Variants in PRKCQ observed in about 807,000 individuals in gnomAD.
PRKCQ encodes the protein protein kinase C theta type.
In PRKCQ, 41 loss-of-function variants were observed where a neutral mutation model predicts 91.2. The observed-to-expected ratio is 0.45, with a 90% CI of 0.35 to 0.58. PRKCQ has a LOEUF of 0.58. PRKCQ is among the 20% of genes least tolerant of loss of function. PRKCQ has a pLI of 0.00. For missense variants in PRKCQ, 673 were observed against 896.5 expected, an observed-to-expected ratio of 0.75 and a Z score of 3.18; for synonymous variants, 307 against 316.9, an observed-to-expected ratio of 0.97 and a Z score of 0.33.
chr10:6,402,237 T>C, the PRKCQ span, among the ~76,000 whole-genome samples: 1 of 151,808 alleles, frequency 6.6e-6, no homozygotes, highest in Admixed American at 6.6e-5. Context: ...TTAGGAGAAA[T>C]ACCTAATGTT....
At chr10:6,398,656 GGA>G in the PRKCQ span, among the ~76,000 whole-genome samples, 1 of 152,032 alleles carries the variant, frequency 6.6e-6, no homozygotes, top group Non-Finnish European at 1.5e-5. Context: ...CTAGATGCTG[GGA>G]GAGAGAGAGA....
intron 13 of PRKCQ, 134 bp downstream of exon 13, chr10:6,464,179 G>C: frequency 1.3e-6 from 1 of 769,298 alleles, no homozygotes; most frequent in Non-Finnish European, 2.2e-6. Flanking sequence ...GAAAACTGTC[G>C]CCTTGCTCGA....
At chr10:6,463,525 GC>G (rs1326265391) in intron 13 of PRKCQ, among the ~76,000 whole-genome samples, 1 of 152,172 alleles carries the variant, frequency 6.6e-6, no homozygotes, top group Non-Finnish European at 1.5e-5. Context: ...TCAGCAGAGT[GC>G]TACCCACTAG....
chr10:6,496,049 C>T (rs928640602), intron 7 of PRKCQ, among the ~76,000 whole-genome samples: 1 of 151,828 alleles, frequency 6.6e-6, no homozygotes, highest in Admixed American at 6.6e-5. Context: ...AACCGCATCT[C>T]TACTAAAAAT....
the PRKCQ span, among the ~76,000 whole-genome samples, chr10:6,416,034 A>G: frequency 6.6e-6 from 1 of 152,110 alleles, no homozygotes; most frequent in Non-Finnish European, 1.5e-5. Context: ...GGCATGAGCC[A>G]CCATGCCTGG....
chr10:6,553,522 C>G (rs199843708), intron 1 of PRKCQ, among the ~76,000 whole-genome samples: 77 of 58,176 alleles, frequency 1.3e-3, no homozygotes, highest in African/African-American at 4.2e-3. Context: ...AAAAAACAAA[C>G]AAACAAAAGA....
intron 1 of PRKCQ, among the ~76,000 whole-genome samples, chr10:6,556,120 C>T (rs368919553): frequency 1.3e-5 from 2 of 152,072 alleles, no homozygotes; most frequent in Admixed American, 6.6e-5. Flanking sequence ...TTTCTTATCC[C>T]ATGATTAATG....
intron 1 of PRKCQ, among the ~76,000 whole-genome samples, chr10:6,568,500 C>CTT (rs201701542): frequency 1.7e-4 from 24 of 139,088 alleles, no homozygotes; most frequent in African/African-American, 5.4e-4. Flanking sequence ...TTAGCTTAAC[C>CTT]TTTTTTTTTT....
intron 1 of PRKCQ, among the ~76,000 whole-genome samples, chr10:6,571,700 C>T (rs1377616869): frequency 3.9e-5 from 6 of 152,052 alleles, no homozygotes; most frequent in Admixed American, 6.6e-5. Flanking sequence ...TAGCTACTCT[C>T]GAGGCTGACA....
the PRKCQ span, among the ~76,000 whole-genome samples, chr10:6,406,415 T>G: frequency 1.3e-5 from 2 of 151,838 alleles, no homozygotes; most frequent in African/African-American, 4.8e-5. Context: ...GGCTGTAAAA[T>G]AATGTTTGCT....
chr10:6,433,080 C>T (rs1240615757), intron 16 of PRKCQ, among the ~76,000 whole-genome samples: 4 of 152,330 alleles, frequency 2.6e-5, no homozygotes, highest in Admixed American at 1.3e-4. Context: ...ATGATTCTTA[C>T]GACTGATACA....
chr10:6,420,594 T>C, the PRKCQ span, among the ~76,000 whole-genome samples: 6 of 152,370 alleles, frequency 3.9e-5, no homozygotes, highest in East Asian at 9.6e-4. Context: ...GATAATTTTT[T>C]TGAGAAATTG....
intron 10 of PRKCQ, among the ~76,000 whole-genome samples, chr10:6,484,701 A>G (rs1277442906): frequency 6.6e-6 from 1 of 152,198 alleles, no homozygotes; most frequent in Non-Finnish European, 1.5e-5. Flanking sequence ...GGTCATATCC[A>G]CTCATGAACT....
chr10:6,575,468 C>A lies in PRKCQ; in HGVS notation c.-10+4743G>T, dbSNP rs140049720. Among the ~76,000 whole-genome samples the A allele has an allele frequency of 2.3e-3, 353 of 152,338 alleles. 2 individuals are homozygous for A. The highest frequency in any genetic ancestry group is 8.2e-3 in the African/African-American group (340 of 41,582). On this transcript the variant is annotated intron_variant, in intron 1 of 17. Coordinates refer to ENST00000263125, the MANE Select transcript of PRKCQ (RefSeq NM_006257.5). The stretch of plus-strand genomic sequence containing the variant: ...CTCATTTCTGAATCATAAGGTTCCT[C>A]ATGGAGGTGGAGATAACCCTACCTA...
intron 8 of PRKCQ, among the ~76,000 whole-genome samples, chr10:6,488,980 A>T (rs1294826582): frequency 6.6e-6 from 1 of 151,492 alleles, no homozygotes; most frequent in Non-Finnish European, 1.5e-5. Context: ...TGGGGGTCTC[A>T]CTTTGTTGCC....
chr10:6,579,031 C>T (rs1223992289), intron 1 of PRKCQ, among the ~76,000 whole-genome samples: 1 of 152,204 alleles, frequency 6.6e-6, no homozygotes, highest in Non-Finnish European at 1.5e-5. Context: ...GTGGACCCTC[C>T]AGGCTTCTTG....
chr10:6,498,849 A>C (rs1222777413), intron 4 of PRKCQ, among the ~76,000 whole-genome samples: 2 of 152,200 alleles, frequency 1.3e-5, no homozygotes, highest in Non-Finnish European at 2.9e-5. Flanking sequence ...ATCCTCTTCA[A>C]GTTTCAAAAC....
At chr10:6,563,604 TC>T (rs1389371941) in intron 1 of PRKCQ, among the ~76,000 whole-genome samples, 2 of 152,166 alleles carry the variant, frequency 1.3e-5, no homozygotes, top group African/African-American at 2.4e-5. Flanking sequence ...ACCGCTTTGT[TC>T]CTCCTCTTCC....
chr10:6,568,851 C>T (rs1232279016), intron 1 of PRKCQ, among the ~76,000 whole-genome samples: 5 of 151,878 alleles, frequency 3.3e-5, no homozygotes, highest in Admixed American at 2.6e-4. Flanking sequence ...AAGCAGGATG[C>T]CAAGGGGATG....
Sources: gnomAD v4.1 joint callset for allele counts (sites outside exome capture counted in the v4.1 genomes callset) on GRCh38, gnomAD v4.1.1 for gene constraint, MANE v1.5 for transcripts, NCBI Gene and HGNC (gene_info 2026-07-23, HGNC 2026-07-21) for gene names.